FBXO42: variants seen among roughly 807,000 people sequenced by gnomAD.
FBXO42 encodes the protein F-box protein 42.
Under a neutral mutation model 71.7 loss-of-function variants are expected in FBXO42, and 12 were observed. That is an observed-to-expected ratio of 0.17 (90% confidence interval 0.11 to 0.27). FBXO42 has a LOEUF of 0.27. Ranked by LOEUF, FBXO42 falls within the 10% of genes least tolerant of loss-of-function variation. The pLI is 1.00. For missense variants in FBXO42, 707 were observed against 911.9 expected (o/e 0.78, Z 2.89); for synonymous variants, 325 against 327.5 (o/e 0.99, Z 0.08).
chr1:16,341,967 G>A (rs1271520571), intron 1 of FBXO42, among the ~76,000 whole-genome samples: 11 of 117,324 alleles, frequency 9.4e-5, no homozygotes, highest in East Asian at 2.4e-4. Context: ...GAGAAATTCC[G>A]TCTCCAAAAA....
intron 1 of FBXO42, among the ~76,000 whole-genome samples, chr1:16,325,575 TAA>T (rs1468073483): frequency 6.6e-6 from 1 of 152,194 alleles, no homozygotes; most frequent in Non-Finnish European, 1.5e-5. Flanking sequence ...GCTACCCAAT[TAA>T]GATTCCCTTA....
intron 6 of FBXO42, among the ~76,000 whole-genome samples, chr1:16,255,455 C>A (rs989759218): frequency 1.3e-5 from 2 of 151,858 alleles, no homozygotes; most frequent in African/African-American, 4.8e-5. Flanking sequence ...CTGCCTTAGT[C>A]TCCCAAGTAA....
chr1:16,253,515 A>G, intron 7 of FBXO42, 120 bp downstream of exon 7: 1 of 776,826 alleles, frequency 1.3e-6, no homozygotes, highest in Admixed American at 2.9e-5. Context: ...GTAAAAAAGA[A>G]TGATACATTT....
Position 16,251,748 on chromosome 1 carries a change from C to T in FBXO42, c.1076G>A (p.Ser359Asn). 1 of 1,614,106 alleles carries T rather than the reference C, an allele frequency of 6.2e-7. No individual in the cohort carries two copies. The highest frequency in any genetic ancestry group is 1.1e-5 in the South Asian group (1 of 91,080). Reference protein sequence around the residue: ...QCVVVFSQAPSGRAPLSPSLN... With the variant: ...QCVVVFSQAPNGRAPLSPSLN... ...ACTGGGGCTGAGTGGGGCTCTCCCA[C>T]TAGGAGCCTGGCTGAAGACCACCAC... The change falls in exon 10 of 10, where the codon AGT (serine) becomes AAT (asparagine). Residue 359 changes from serine to asparagine, a missense_variant. This residue lies in a region of FBXO42 where 482 missense variants were observed against 587.1 expected (regional missense o/e 0.82). Coordinates refer to ENST00000375592, the MANE Select transcript of FBXO42 (RefSeq NM_018994.3). This position sits in a 1 kb window ranked among gnomAD's most constrained non-coding sequence, Gnocchi z 4.5.
At chr1:16,271,227 G>A (rs2081840133) in intron 4 of FBXO42, among the ~76,000 whole-genome samples, 2 of 150,980 alleles carry the variant, frequency 1.3e-5, no homozygotes, top group Non-Finnish European at 2.9e-5. Flanking sequence ...GCCATACTTT[G>A]ATCCCTAACT....
chr1:16,307,522 GC>G (rs2082264310), intron 2 of FBXO42, among the ~76,000 whole-genome samples: 1 of 143,162 alleles, frequency 7.0e-6, no homozygotes, highest in Non-Finnish European at 1.5e-5. Context: ...TAAAAAACAA[GC>G]AAAAAAAAAA....
intron 2 of FBXO42, among the ~76,000 whole-genome samples, chr1:16,314,921 A>G (rs1440772690): frequency 6.6e-6 from 1 of 152,054 alleles, no homozygotes; most frequent in Non-Finnish European, 1.5e-5. Context: ...AATTAACCAG[A>G]TCAACTCTAA....
intron 1 of FBXO42, among the ~76,000 whole-genome samples, chr1:16,321,447 A>G (rs918183335): frequency 1.3e-5 from 2 of 152,208 alleles, no homozygotes; most frequent in African/African-American, 4.8e-5. Context: ...TTTCACACGT[A>G]AGCATACTAA....
At chr1:16,338,370 A>AG (rs1225985770) in intron 1 of FBXO42, among the ~76,000 whole-genome samples, 2 of 151,708 alleles carry the variant, frequency 1.3e-5, no homozygotes, top group African/African-American at 4.8e-5. Context: ...AAAAAAAAAA[A>AG]AAAAAAGAAT....
At chr1:16,298,980 G>C (rs1325903171) in intron 3 of FBXO42, among the ~76,000 whole-genome samples, 2 of 151,958 alleles carry the variant, frequency 1.3e-5, no homozygotes, top group African/African-American at 2.4e-5. Context: ...CACAGTGCCT[G>C]TATTTTTCAA....
At chr1:16,253,566 C>A (rs758355341) in intron 7 of FBXO42, 69 bp downstream of exon 7, 16 of 1,433,780 alleles carry the variant, frequency 1.1e-5, no homozygotes, top group Non-Finnish European at 1.6e-5. Flanking sequence ...CTGACTCCCT[C>A]CTCCCTCTCC....
intron 4 of FBXO42, among the ~76,000 whole-genome samples, chr1:16,279,525 T>A (rs536916723): frequency 5.3e-5 from 8 of 152,346 alleles, no homozygotes; most frequent in Non-Finnish European, 1.0e-4. Context: ...AAGCAAATCA[T>A]GTTGATATCT....
intron 3 of FBXO42, among the ~76,000 whole-genome samples, chr1:16,295,586 T>C (rs1459835580): frequency 5.9e-5 from 9 of 152,028 alleles, no homozygotes; most frequent in Non-Finnish European, 1.3e-4. Flanking sequence ...AGAGATGGAG[T>C]TTCACCATGT....
intron 4 of FBXO42, among the ~76,000 whole-genome samples, chr1:16,281,353 G>A (rs1341101530): frequency 2.0e-5 from 3 of 152,162 alleles, no homozygotes; most frequent in South Asian, 4.1e-4. Flanking sequence ...GAATCTGGGC[G>A]AACCAGCACC....
chr1:16,326,033 T>TGTGTGG (rs1229501117), intron 1 of FBXO42, among the ~76,000 whole-genome samples: 1 of 149,824 alleles, frequency 6.7e-6, no homozygotes, highest in Non-Finnish European at 1.5e-5. Flanking sequence ...TGTGTGTGTG[T>TGTGTGG]GTGTGTGTGT....
intron 1 of FBXO42, among the ~76,000 whole-genome samples, chr1:16,316,169 CA>C (rs58485035): frequency 0.57 from 62,227 of 108,576 alleles, 16,829 homozygotes; most frequent in South Asian, 0.78. Context: ...ACCTCCATCT[CA>C]AAAAAAAAAA....
At chr1:16,321,534 G>C (rs2082409045) in intron 1 of FBXO42, among the ~76,000 whole-genome samples, 1 of 152,102 alleles carries the variant, frequency 6.6e-6, no homozygotes, top group Non-Finnish European at 1.5e-5. Flanking sequence ...CACCTTCTCA[G>C]CTTCCCCAAC....
chr1:16,350,748 A>AG, intron 1 of FBXO42, among the ~76,000 whole-genome samples: 2 of 127,204 alleles, frequency 1.6e-5, no homozygotes, highest in African/African-American at 2.7e-5. Flanking sequence ...AACTGCAAAA[A>AG]AAAAAAAAAA....
chr1:16,343,927 A>G (rs2082630811), intron 1 of FBXO42, among the ~76,000 whole-genome samples: 1 of 151,272 alleles, frequency 6.6e-6, no homozygotes, highest in Admixed American at 6.6e-5. Flanking sequence ...GCATTGAGCC[A>G]TAATCACACC....
Sources: allele counts gnomAD v4.1 joint callset (sites outside exome capture counted in the v4.1 genomes callset), GRCh38; gene constraint gnomAD v4.1.1; regional missense constraint gnomAD v4.1.1; non-coding constraint Gnocchi (gnomAD v3.1); transcripts MANE v1.5; gene names NCBI Gene and HGNC (gene_info 2026-07-23, HGNC 2026-07-21).